CABCOCO1: variants seen among roughly 807,000 people sequenced by gnomAD.
CABCOCO1 encodes ciliary-associated calcium-binding coiled-coil protein 1.
In CABCOCO1, 28 loss-of-function variants were observed where a neutral mutation model predicts 35.7. That is an observed-to-expected ratio of 0.78 (90% CI 0.58 to 1.07). The LOEUF is 1.07. Among genes scored for constraint, CABCOCO1 ranks in the 50% least tolerant of loss-of-function variants. The pLI is 0.00. For missense variants in CABCOCO1, 326 were observed against 309.2 expected, an observed-to-expected ratio of 1.05 and a Z score of -0.41; for synonymous variants, 95 against 100.1, an observed-to-expected ratio of 0.95 and a Z score of 0.30.
intron 1 of CABCOCO1, among the ~76,000 whole-genome samples, chr10:61,671,257 C>A (rs535156520): frequency 6.6e-6 from 1 of 151,180 alleles, no homozygotes; most frequent in Admixed American, 6.6e-5. Flanking sequence ...ACCTGGGAGG[C>A]GGAGCTTGCA....
intron 2 of CABCOCO1, among the ~76,000 whole-genome samples, chr10:61,673,550 G>C (rs1461984514): frequency 2.0e-5 from 3 of 152,146 alleles, no homozygotes; most frequent in Non-Finnish European, 1.5e-5. Context: ...CTCTGTCAGT[G>C]GTTATCACTG....
At chr10:61,696,299 T>C (rs1421863161) in intron 5 of CABCOCO1, among the ~76,000 whole-genome samples, 1 of 151,534 alleles carries the variant, frequency 6.6e-6, no homozygotes, top group Non-Finnish European at 1.5e-5. Context: ...AGGAGGAAGA[T>C]GGAACAATAA....
intron 5 of CABCOCO1, among the ~76,000 whole-genome samples, chr10:61,749,438 T>C (rs531655960): frequency 7.0e-4 from 107 of 152,350 alleles, no homozygotes; most frequent in African/African-American, 2.5e-3. Context: ...GATTTCTTTA[T>C]GCACGCAATG....
intron 5 of CABCOCO1, among the ~76,000 whole-genome samples, chr10:61,730,799 A>G (rs7089323): frequency 0.4 from 61,040 of 151,708 alleles, 14,367 homozygotes; most frequent in Middle Eastern, 0.54. Flanking sequence ...CTGCATTAAG[A>G]AAAACAACAT....
At chr10:61,725,520 A>T (rs993935802) in intron 5 of CABCOCO1, among the ~76,000 whole-genome samples, 13 of 151,704 alleles carry the variant, frequency 8.6e-5, no homozygotes, top group African/African-American at 3.2e-4. Context: ...CAGAAAACCA[A>T]ACACCACATG....
chr10:61,742,329 G>A (rs1234297610), intron 5 of CABCOCO1, among the ~76,000 whole-genome samples: 2 of 152,186 alleles, frequency 1.3e-5, no homozygotes, highest in Admixed American at 1.3e-4. Context: ...AACTCAAAGA[G>A]GGCAAGAACT....
At chr10:61,679,293 CTATATCTAT>C (rs1413040473) in intron 2 of CABCOCO1, among the ~76,000 whole-genome samples, 1 of 111,860 alleles carries the variant, frequency 8.9e-6, no homozygotes, top group East Asian at 2.2e-4. Flanking sequence ...ATATCTATAT[CTATATCTAT>C]ATCTATATCT....
rs1842114876 is a variant in CABCOCO1, at chr10:61,766,544, T to G, written c.*531T>G. 6.6e-6 allele frequency: 1 copy of G among 152,028 alleles called. No individual in the cohort carries two copies. The highest frequency in any genetic ancestry group is 1.5e-5 in the Non-Finnish European group (1 of 68,062). The allele number at this position is 152,028 out of a possible 1,614,324, so 9.4% of individuals were successfully genotyped here. On this transcript the variant is annotated 3_prime_UTR_variant, in exon 8 of 8. Coordinates refer to ENST00000648843, the MANE Select transcript of CABCOCO1 (RefSeq NM_001366906.2). ...TTACTGAAATCATTTGGTTTTCTTA[T>G]TTAAACGTTTCAGTGTGAAACCAAT... is the stretch of plus-strand genomic sequence containing the variant.
intron 4 of CABCOCO1, among the ~76,000 whole-genome samples, chr10:61,686,953 C>T (rs940905855): frequency 3.3e-5 from 5 of 152,094 alleles, no homozygotes; most frequent in Admixed American, 6.6e-5. Flanking sequence ...AAAGCTTCTG[C>T]ATAATATTTT....
chr10:61,738,440 G>C (rs894427292), intron 5 of CABCOCO1, among the ~76,000 whole-genome samples: 3 of 152,262 alleles, frequency 2.0e-5, no homozygotes, highest in East Asian at 3.9e-4. Context: ...CACTTTAACA[G>C]CTAAATATAA....
At chr10:61,666,218 A>G (rs1429603654) in intron 1 of CABCOCO1, among the ~76,000 whole-genome samples, 5 of 152,104 alleles carry the variant, frequency 3.3e-5, no homozygotes, top group Admixed American at 6.5e-5. Context: ...AACAGACCCC[A>G]CTCCATCGTT....
At chr10:61,680,839 A>T (rs2131976304) in intron 2 of CABCOCO1, among the ~76,000 whole-genome samples, 1 of 147,290 alleles carries the variant, frequency 6.8e-6, no homozygotes, top group East Asian at 2.0e-4. Flanking sequence ...TTCACAGAAA[A>T]ATATACTAGT....
intron 2 of CABCOCO1, 21 bp downstream of exon 2, chr10:61,672,756 A>G: frequency 1.0e-6 from 1 of 983,478 alleles, no homozygotes; most frequent in African/African-American, 1.7e-5. Flanking sequence ...CACTATTACA[A>G]TCACATGTAG....
intron 5 of CABCOCO1, among the ~76,000 whole-genome samples, chr10:61,724,065 T>C (rs1450544301): frequency 6.6e-6 from 1 of 152,112 alleles, no homozygotes; most frequent in Non-Finnish European, 1.5e-5. Flanking sequence ...AAAAAGTCCA[T>C]TCACGAAAGT....
chr10:61,663,826 A>T (rs79851992), intron 1 of CABCOCO1, among the ~76,000 whole-genome samples: 2,431 of 18,442 alleles, frequency 0.13, 68 homozygotes, highest in Middle Eastern at 0.25. Context: ...AGATATTATA[A>T]AAAAAAAAGT....
chr10:61,683,253 C>T (rs1439666456), intron 3 of CABCOCO1, among the ~76,000 whole-genome samples: 1 of 152,030 alleles, frequency 6.6e-6, no homozygotes, highest in Non-Finnish European at 1.5e-5. Flanking sequence ...TTGCAGTATT[C>T]TCATTTTACA....
intron 5 of CABCOCO1, among the ~76,000 whole-genome samples, chr10:61,735,543 G>A (rs909157019): frequency 6.6e-6 from 1 of 152,036 alleles, no homozygotes. Flanking sequence ...AAAGACGAGG[G>A]CCTTGCCTTC....
intron 5 of CABCOCO1, among the ~76,000 whole-genome samples, chr10:61,707,948 G>A (rs1840634105): frequency 6.6e-6 from 1 of 151,976 alleles, no homozygotes. Flanking sequence ...TCTCTATGAA[G>A]TTCGATTCTT....
chr10:61,714,724 T>C (rs1006415648), intron 5 of CABCOCO1, among the ~76,000 whole-genome samples: 16 of 152,210 alleles, frequency 1.1e-4, no homozygotes, highest in African/African-American at 3.6e-4. Flanking sequence ...TTTGTTCTTA[T>C]TGGTGTCAAA....
Sources: allele counts gnomAD v4.1 joint callset (sites outside exome capture counted in the v4.1 genomes callset), GRCh38; gene constraint gnomAD v4.1.1; transcripts MANE v1.5; gene names NCBI Gene and HGNC (gene_info 2026-07-23, HGNC 2026-07-21).